PSKH2: variants seen among roughly 807,000 people sequenced by gnomAD.
The protein encoded by PSKH2 is serine/threonine-protein kinase H2.
Under a neutral mutation model 22.5 loss-of-function variants are expected in PSKH2, and 16 were observed. The ratio of observed to expected loss-of-function variants is 0.71; its 90% confidence interval spans 0.48 to 1.08. The LOEUF (loss-of-function observed/expected upper bound fraction) is 1.08. PSKH2 is among the 50% of genes least tolerant of loss of function. PSKH2 has a pLI of 0.00. For missense variants in PSKH2, 516 were observed against 492.8 expected, an observed-to-expected ratio of 1.05 and a Z score of -0.44; for synonymous variants, 188 against 184.8, an observed-to-expected ratio of 1.02 and a Z score of -0.14.
chr8:86,050,940 G>A (rs1222386397), intron 2 of PSKH2, among the ~76,000 whole-genome samples: 1 of 152,070 alleles, frequency 6.6e-6, no homozygotes, highest in Non-Finnish European at 1.5e-5. Context: ...ATGGGGTCTT[G>A]TTATATTGCC....
intron 2 of PSKH2, among the ~76,000 whole-genome samples, chr8:86,049,750 CGAAA>C (rs141430833): frequency 0.52 from 34,794 of 66,950 alleles, 7,084 homozygotes; most frequent in East Asian, 0.65. Flanking sequence ...AAGAAAGAAA[CGAAA>C]GAAAGAAAGA....
intron 2 of PSKH2, among the ~76,000 whole-genome samples, chr8:86,050,057 T>C (rs1021992300): frequency 6.6e-6 from 1 of 152,208 alleles, no homozygotes; most frequent in Non-Finnish European, 1.5e-5. Flanking sequence ...CACAGCTAAG[T>C]AGTTCCTATT....
Position 86,049,747 on chromosome 8 carries a change from A to AAAGAAAGAAAGG in PSKH2, c.853-981_853-980insCCTTTCTTTCTT, listed in dbSNP as rs1363102902. 5.2e-3 allele frequency among the ~76,000 whole-genome samples: 59 copies of AAAGAAAGAAAGG among 11,450 alleles called. 3 individuals are homozygous for AAAGAAAGAAAGG. In the South Asian group the frequency reaches 0.062, roughly 12 times the overall value. 7.5% of individuals were successfully genotyped at this position (11,450 alleles called of 152,430 possible). A position where few individuals can be genotyped will look rare whatever the true frequency, so the allele number is the denominator to read the frequency against. On this transcript the variant is annotated intron_variant, in intron 2 of 2. Transcript: ENST00000276616. ...GAAAGAAAGAAAGAAAGAAAGAAAG[A>AAAGAAAGAAAGG]AACGAAAGAAAGAAAGAAAGAGAAA...
rs1278281090 is a variant in PSKH2, at chr8:86,047,560, A to G, written c.*902T>C. 6.6e-6 allele frequency among the ~76,000 whole-genome samples: 1 copy of G among 152,152 alleles called. No homozygotes were observed. The highest frequency in any genetic ancestry group is 1.5e-5 in the Non-Finnish European group (1 of 67,984). On this transcript the variant is annotated 3_prime_UTR_variant, in exon 3 of 3. Coordinates refer to ENST00000276616, the MANE Select transcript of PSKH2 (RefSeq NM_033126.3). ...ACCCACACATATGAGTGACTCACAG[A>G]TATGATTAATAATATTTCAATCTTT...
intron 2 of PSKH2, among the ~76,000 whole-genome samples, chr8:86,060,023 C>G (rs1375161611): frequency 6.6e-6 from 1 of 152,196 alleles, no homozygotes; most frequent in East Asian, 1.9e-4. Flanking sequence ...GAAAGATTAA[C>G]TCATAGAAAA....
chr8:86,060,502 T>C (rs1276336539), intron 2 of PSKH2, among the ~76,000 whole-genome samples: 1 of 152,202 alleles, frequency 6.6e-6, no homozygotes, highest in East Asian at 1.9e-4. Flanking sequence ...TGATATACTT[T>C]TCTGAGTCTA....
rs375694521 is a variant in PSKH2, at chr8:86,064,480, G to T, written c.337C>A (p.Arg113=). ...ACAATGTAACGATGGCTAACCCGCC[G>T]CAGGACGCTCAGCTCAGACACGCAC... is the stretch of plus-strand genomic sequence containing the variant. ...EACVSELSVL[R]RVSHRYIVQL... is the part of the protein sequence containing the mutation. The change falls in exon 2 of 3, where the codon CGG becomes AGG. Residue 113 remains arginine (R), a synonymous_variant. Transcript: ENST00000276616. 2 of 1,613,812 alleles carry T rather than the reference G, an allele frequency of 1.2e-6. No individual in the cohort carries two copies. Among genetic ancestry groups the T allele is most frequent in the East Asian group, 2.2e-5 (1 of 44,876 alleles).
chr8:86,059,436 T>C (rs1275583863), intron 2 of PSKH2, among the ~76,000 whole-genome samples: 10 of 152,204 alleles, frequency 6.6e-5, no homozygotes, highest in Admixed American at 6.5e-4. Flanking sequence ...GCTGTGTTCC[T>C]TCCAGAGGCT....
Position 86,066,314 on chromosome 8 carries a change from C to T in PSKH2, c.186-1683G>A, listed in dbSNP as rs189444284. On this transcript the variant is annotated intron_variant, in intron 1 of 2. Transcript: ENST00000276616. ...TCCCGGGTTCAAGAGATTCTCCTGC[C>T]TCAGCCTCCTGAGTAGCTGAGATTA... The T allele has an allele frequency of 8.0e-4, 122 of 152,082 alleles. 1 individual carries two copies. The highest frequency in any genetic ancestry group is 2.5e-3 in the African/African-American group (103 of 41,384). The allele number at this position is 152,082 out of a possible 1,614,324, so 9.4% of individuals were successfully genotyped here. A position where few individuals can be genotyped will look rare whatever the true frequency, so the allele number is the denominator to read the frequency against.
chr8:86,048,877 A>C (rs1370524524), intron 2 of PSKH2, 110 bp from the exon 3 acceptor site: 4 of 966,202 alleles, frequency 4.1e-6, no homozygotes, highest in Non-Finnish European at 5.9e-6. Context: ...GAATCCAAAA[A>C]ACTTTTTCAA....
At chr8:86,052,165 C>G (rs904773918) in intron 2 of PSKH2, among the ~76,000 whole-genome samples, 1 of 152,082 alleles carries the variant, frequency 6.6e-6, no homozygotes, top group Non-Finnish European at 1.5e-5. Context: ...TAGGTTGAAT[C>G]GAATACCCAC....
At chr8:86,052,109 C>T (rs1322905860) in intron 2 of PSKH2, among the ~76,000 whole-genome samples, 1 of 152,036 alleles carries the variant, frequency 6.6e-6, no homozygotes, top group African/African-American at 2.4e-5. Flanking sequence ...GTGCATGCCC[C>T]CAAATGTTTA....
chr8:86,064,153 G>A lies in PSKH2; in HGVS notation c.664C>T (p.Leu222Phe). 1 of 1,614,164 alleles carries A rather than the reference G, an allele frequency of 6.2e-7. No individual in the cohort carries two copies. The highest frequency in any genetic ancestry group is 2.2e-5 in the East Asian group (1 of 44,870). The part of the protein sequence containing the change: ...KKSGDWTMKT[L>F]CGTPEYIAPE... ...GCTATGTACTCTGGGGTCCCACAGA[G>A]TGTCTTCATTGTCCAGTCACCACTT... is the stretch of plus-strand genomic sequence containing the variant. The change falls in exon 2 of 3, where the codon CTC becomes TTC. Residue 222 changes from leucine (L) to phenylalanine (F), a missense_variant. Coordinates refer to ENST00000276616, the MANE Select transcript of PSKH2 (RefSeq NM_033126.3).
intron 2 of PSKH2, among the ~76,000 whole-genome samples, chr8:86,056,346 G>C (rs1409306364): frequency 6.6e-6 from 1 of 152,034 alleles, no homozygotes; most frequent in Admixed American, 6.6e-5. Context: ...TCGTCAGCTA[G>C]CTAATATGGT....
intron 2 of PSKH2, among the ~76,000 whole-genome samples, chr8:86,057,339 T>A (rs546262659): frequency 6.7e-6 from 1 of 148,792 alleles, no homozygotes; most frequent in Non-Finnish European, 1.5e-5. Context: ...AGCTCTAAAG[T>A]TTTTTTTTGT....
At chr8:86,062,608 T>C (rs957816975) in intron 2 of PSKH2, among the ~76,000 whole-genome samples, 3 of 150,234 alleles carry the variant, frequency 2.0e-5, no homozygotes, top group Admixed American at 6.7e-5. Context: ...CGCCTCTCTT[T>C]TTCTCCTGTC....
At chr8:86,049,809 A>C (rs1414744030) in intron 2 of PSKH2, among the ~76,000 whole-genome samples, 1 of 151,274 alleles carries the variant, frequency 6.6e-6, no homozygotes, top group Non-Finnish European at 1.5e-5. Context: ...AGAGAGAAAG[A>C]GGAAGAAAGA....
At position 86,064,333 on chromosome 8, in the gene PSKH2, T is replaced by G. The variant is rs1420293277; in HGVS notation, c.484A>C (p.Arg162=). The change falls in exon 2 of 3, where the codon AGG becomes CGG. Residue 162 remains arginine (R), a synonymous_variant. Coordinates refer to ENST00000276616, the MANE Select transcript of PSKH2 (RefSeq NM_033126.3). ...CCATCAGCAACCATCTGGAGGATCC[T>G]GACGGCATCCCGCTCTGTAAAGGAT... The part of the protein sequence containing the change: ...QGSFTERDAV[R]ILQMVADGIR... 3.1e-6 allele frequency: 5 copies of G among 1,614,200 alleles called. No homozygotes were observed. The highest frequency in any genetic ancestry group is 3.4e-6 in the Non-Finnish European group (4 of 1,180,030).
chr8:86,050,769 G>T (rs1817619282), intron 2 of PSKH2, among the ~76,000 whole-genome samples: 1 of 151,984 alleles, frequency 6.6e-6, no homozygotes, highest in East Asian at 1.9e-4. Flanking sequence ...TTTAAAAGAT[G>T]GTATTTCCAA....
Sources: gnomAD v4.1 joint callset for allele counts (sites outside exome capture counted in the v4.1 genomes callset) on GRCh38, gnomAD v4.1.1 for gene constraint, MANE v1.5 for transcripts, NCBI Gene and HGNC (gene_info 2026-07-23, HGNC 2026-07-21) for gene names.